The following INTS2 variants were observed in gnomAD, a reference collection of about 807,000 sequenced individuals.
INTS2 encodes the protein KIAA1287.
In INTS2, 57 loss-of-function variants were observed where a neutral mutation model predicts 139.6. The observed-to-expected ratio is 0.41, with a 90% CI of 0.33 to 0.51. The LOEUF is 0.51. INTS2 is among the 20% of genes least tolerant of loss of function. The probability of loss-of-function intolerance (pLI) is 0.28; values close to 1 mark genes in which losing one functional copy is unlikely to be tolerated. For missense variants in INTS2, 1,196 were observed against 1,436.7 expected, an observed-to-expected ratio of 0.83 and a Z score of 2.71; for synonymous variants, 473 against 493.4, an observed-to-expected ratio of 0.96 and a Z score of 0.55.
At chr17:61,917,220 A>C (rs1278878571) in intron 5 of INTS2, among the ~76,000 whole-genome samples, 1 of 152,220 alleles carries the variant, frequency 6.6e-6, no homozygotes, top group Non-Finnish European at 1.5e-5. Context: ...TGTGGAAAGC[A>C]GTTTGGAGAT....
chr17:61,920,735 G>A (rs374727016), intron 4 of INTS2, among the ~76,000 whole-genome samples: 11 of 151,514 alleles, frequency 7.3e-5, no homozygotes, highest in East Asian at 5.9e-4. Flanking sequence ...CCCCGGAGGC[G>A]GAGGTTGCAG....
At chr17:61,902,894 C>A (rs553278882) in intron 9 of INTS2, among the ~76,000 whole-genome samples, 1 of 146,490 alleles carries the variant, frequency 6.8e-6, no homozygotes, top group South Asian at 2.1e-4. Flanking sequence ...AGGCTGGGCA[C>A]GGTGGCTCAC....
chr17:61,897,961 C>T lies in INTS2; in HGVS notation c.1308-222G>A, dbSNP rs1053531262. Among the ~76,000 whole-genome samples, 7 of 152,102 alleles carry T rather than the reference C, an allele frequency of 4.6e-5. No homozygotes were observed. Among genetic ancestry groups the T allele is most frequent in the Admixed American group, 1.3e-4 (2 of 15,264 alleles). ...GACCTTTGCTTTTTTTCATGGATCC[C>T]CTCTCAAAGTCTTAGTTACTGCCTT... On this transcript the variant is annotated intron_variant, in intron 9 of 24. Transcript: ENST00000251334. This position sits in a 1 kb window ranked among gnomAD's most constrained non-coding sequence, Gnocchi z 4.4.
At chr17:61,913,136 A>C (rs896363005) in intron 5 of INTS2, among the ~76,000 whole-genome samples, 2 of 151,930 alleles carry the variant, frequency 1.3e-5, no homozygotes, top group Admixed American at 6.6e-5. Context: ...CCAGGAGTTC[A>C]AGATCAGCCT....
chr17:61,883,134 A>T (rs891132198), intron 16 of INTS2, among the ~76,000 whole-genome samples: 17 of 152,230 alleles, frequency 1.1e-4, no homozygotes, highest in Admixed American at 3.9e-4. Flanking sequence ...ACAAAAGTGT[A>T]AACTAATCAA....
rs115227888 is a variant in INTS2, at chr17:61,875,605, A to C, written c.2457-567T>G. Among the ~76,000 whole-genome samples the C allele has an allele frequency of 6.5e-3, 995 of 152,308 alleles. 11 individuals carry two copies. Among genetic ancestry groups the C allele is most frequent in the African/African-American group, 0.023 (946 of 41,556 alleles). ...GCAAATACAGAAGGTACTTGATCTT[A>C]CAGTGAAGCCCAGGAATCCACCAGA... On this transcript the variant is annotated intron_variant, in intron 18 of 24. Transcript: ENST00000251334. The surrounding 1 kb of genome is among the most constrained non-coding windows in gnomAD (Gnocchi z 4.6).
chr17:61,911,730 A>G lies in INTS2; in HGVS notation c.781-37T>C, dbSNP rs1184854686. 1.9e-6 allele frequency: 3 copies of G among 1,586,190 alleles called. No individual in the cohort carries two copies. In the African/African-American group the frequency reaches 4.1e-5, roughly 21 times the overall value. On this transcript the variant is annotated intron_variant, in intron 6 of 24. Coordinates refer to ENST00000251334, the MANE Select transcript of INTS2 (RefSeq NM_001351695.2). ...AAGAAAACAAACTGAATTCAGTATC[A>G]TAAGCAAAAAGGCCAGTGATGCTTC... is the stretch of plus-strand genomic sequence containing the variant.
intron 7 of INTS2, chr17:61,911,012 G>A (rs2079520981): frequency 1.3e-5 from 2 of 153,788 alleles, no homozygotes; most frequent in Non-Finnish European, 2.9e-5. Flanking sequence ...ATTAAATTTT[G>A]TTTGGGAAAA....
chr17:61,890,009 G>A (rs1178685867), intron 14 of INTS2, 115 bp from the exon 15 acceptor site: 3 of 650,064 alleles, frequency 4.6e-6, no homozygotes, highest in African/African-American at 1.8e-5. Context: ...CCTAACTCAG[G>A]TAAAACAGGA....
rs1040450086 is a variant in INTS2, at chr17:61,909,479, T to C, written c.955-1845A>G. On this transcript the variant is annotated intron_variant, in intron 7 of 24. Coordinates refer to ENST00000251334, the MANE Select transcript of INTS2 (RefSeq NM_001351695.2). The surrounding 1 kb of genome is among the most constrained non-coding windows in gnomAD (Gnocchi z 4.9). ...GTTACATGAATCTATTGCATAGAAG[T>C]CTGGGCTGTTGGTGTAGTCATCACC... 2.0e-5 allele frequency among the ~76,000 whole-genome samples: 3 copies of C among 152,118 alleles called. No homozygotes were observed. The highest frequency in any genetic ancestry group is 6.6e-5 in the Admixed American group (1 of 15,256).
At position 61,893,098 on chromosome 17, in the gene INTS2, C is replaced by A. The variant is rs1033521422; in HGVS notation, c.1698+667G>T. Among the ~76,000 whole-genome samples, 1 of 150,694 alleles carries A rather than the reference C, an allele frequency of 6.6e-6. No individual in the cohort carries two copies. Among genetic ancestry groups the A allele is most frequent in the Non-Finnish European group, 1.5e-5 (1 of 67,866 alleles). On this transcript the variant is annotated intron_variant, in intron 13 of 24. Coordinates refer to ENST00000251334, the MANE Select transcript of INTS2 (RefSeq NM_001351695.2). The surrounding 1 kb of genome is among the most constrained non-coding windows in gnomAD (Gnocchi z 5.4). ...TGACAGCCTGGGCGACAGAGTGAGA[C>A]CCTGTCTTTAAAATTAAAAAAAAAA...
rs373416568 is a variant in INTS2, at chr17:61,870,390, C to T, written c.2779-402G>A. Among the ~76,000 whole-genome samples, 30 of 152,262 alleles carry T rather than the reference C, an allele frequency of 2.0e-4. No individual in the cohort carries two copies. The East Asian group carries it at 5.0e-3, about 25-fold the overall frequency. On this transcript the variant is annotated intron_variant, in intron 20 of 24. Coordinates refer to ENST00000251334, the MANE Select transcript of INTS2 (RefSeq NM_001351695.2). This position sits in a 1 kb window ranked among gnomAD's most constrained non-coding sequence, Gnocchi z 4.4. The stretch of plus-strand genomic sequence containing the variant: ...CTTCTACCAGAATGTCCTTTCCTTC[C>T]TCTTAATCTCCTACTTTTCCCAGTA...
At position 61,889,850 on chromosome 17, in the gene INTS2, C is replaced by T. The variant is rs770651275; in HGVS notation, c.1920G>A (p.Gln640=). 12 of 1,612,408 alleles carry T rather than the reference C, an allele frequency of 7.4e-6. No individual in the cohort carries two copies. In the Admixed American group the frequency reaches 8.3e-5, roughly 11 times the overall value. ...ACAGTATATAGTAGAGCACCAAAAG[C>T]TGTGCTGTGATACTGAAACGCTGAT... ...RLNQRFSITA[Q]LLVLYYILSY... is the part of the protein sequence containing the mutation. The change falls in exon 15 of 25, where the codon CAG becomes CAA. Residue 640 remains glutamine (Q), a synonymous_variant. Transcript: ENST00000251334.
chr17:61,927,777 C>T lies in INTS2; in HGVS notation c.-142G>A. On this transcript the variant is annotated 5_prime_UTR_variant, in exon 1 of 25. Coordinates refer to ENST00000251334, the MANE Select transcript of INTS2 (RefSeq NM_001351695.2). Reference sequence around the variant, plus strand: ...TAGGCGATATCCGGAACCCCAAACCCTAGTTGTGCCTCGAGTCGACTCGGA... The same window carrying T: ...TAGGCGATATCCGGAACCCCAAACCTTAGTTGTGCCTCGAGTCGACTCGGA... 1 of 1,586,006 alleles carries T rather than the reference C, an allele frequency of 6.3e-7. No individual in the cohort carries two copies. The highest frequency in any genetic ancestry group is 8.6e-7 in the Non-Finnish European group (1 of 1,166,414).
In INTS2 at chr17:61,916,643, T is replaced by A. The variant is rs1002512213; in HGVS notation, c.649+2757A>T. On this transcript the variant is annotated intron_variant, in intron 5 of 24. Coordinates refer to ENST00000251334, the MANE Select transcript of INTS2 (RefSeq NM_001351695.2). ...CCCTATCTTTTATCATATACAAAAATTAACTCAAGTTAGATTAAAGATTTA... is the reference window on the plus strand; with the variant it reads ...CCCTATCTTTTATCATATACAAAAAATAACTCAAGTTAGATTAAAGATTTA... 2.4e-4 allele frequency among the ~76,000 whole-genome samples: 37 copies of A among 152,128 alleles called. 1 individual carries two copies. The highest frequency in any genetic ancestry group is 1.9e-4 in the Non-Finnish European group (13 of 68,014).
intron 15 of INTS2, among the ~76,000 whole-genome samples, chr17:61,889,139 G>A (rs2079263229): frequency 6.7e-6 from 1 of 150,214 alleles, no homozygotes; most frequent in Non-Finnish European, 1.5e-5. Flanking sequence ...CCAGGCTGGA[G>A]TGCAGTGGCG....
rs1393342857 is a variant in INTS2 at position 61,909,828 on chromosome 17, T to C, written c.954+1692A>G. On this transcript the variant is annotated intron_variant, in intron 7 of 24. Coordinates refer to ENST00000251334, the MANE Select transcript of INTS2 (RefSeq NM_001351695.2). The surrounding 1 kb of genome is among the most constrained non-coding windows in gnomAD (Gnocchi z 4.9). ...GTGTGTGTGTACATGTGTGTATGTGTGTGTGTGTGTGTGTGTGTGTGTGTG... is the reference window on the plus strand; with the variant it reads ...GTGTGTGTGTACATGTGTGTATGTGCGTGTGTGTGTGTGTGTGTGTGTGTG... Among the ~76,000 whole-genome samples the C allele has an allele frequency of 2.5e-5, 1 of 40,646 alleles. No individual in the cohort carries two copies. The highest frequency in any genetic ancestry group is 5.2e-5 in the Non-Finnish European group (1 of 19,272). The allele number at this position is 40,646 out of a possible 152,430, so 26.7% of individuals were successfully genotyped here.
At chr17:61,921,918 T>C (rs957115529) in intron 3 of INTS2, 91 bp from the exon 4 acceptor site, 4 of 661,084 alleles carry the variant, frequency 6.1e-6, no homozygotes, top group Non-Finnish European at 1.0e-5. Flanking sequence ...TCACAGATTA[T>C]GTCTCTTAAT....
intron 5 of INTS2, among the ~76,000 whole-genome samples, chr17:61,916,188 A>C (rs920817293): frequency 6.6e-6 from 1 of 152,140 alleles, no homozygotes; most frequent in Non-Finnish European, 1.5e-5. Context: ...TAATCCCAGC[A>C]CTTTGGTAGG....
Sources: allele counts gnomAD v4.1 joint callset (sites outside exome capture counted in the v4.1 genomes callset), GRCh38; gene constraint gnomAD v4.1.1; non-coding constraint Gnocchi (gnomAD v3.1); transcripts MANE v1.5; gene names NCBI Gene and HGNC (gene_info 2026-07-23, HGNC 2026-07-21).